EYS: variants seen among roughly 807,000 people sequenced by gnomAD.
The protein encoded by EYS is EGF-like photoreceptor maintenance factor.
A neutral mutation model predicts 282.1 loss-of-function variants in EYS; 250 were observed. That is an observed-to-expected ratio of 0.89 (90% CI 0.80 to 0.98). The LOEUF (loss-of-function observed/expected upper bound fraction) is 0.98. Among genes scored for constraint, EYS ranks in the 50% least tolerant of loss-of-function variants. The pLI is 0.00. For missense variants in EYS, 4,016 were observed against 3,709.0 expected (o/e 1.08, Z -2.15); for synonymous variants, 1,355 against 1,282.9 (o/e 1.06, Z -1.20).
chr6:65,170,219 C>T lies in EYS; in HGVS notation c.2024-112492G>A, dbSNP rs114125799. Among the ~76,000 whole-genome samples, 1,501 of 151,174 alleles carry T rather than the reference C, an allele frequency of 9.9e-3. 25 individuals carry two copies. Among genetic ancestry groups the T allele is most frequent in the African/African-American group, 0.034 (1,413 of 41,232 alleles). On this transcript the variant is annotated intron_variant, in intron 12 of 42. Coordinates refer to ENST00000503581, the MANE Select transcript of EYS (RefSeq NM_001142800.2). ...ATACAAATACAGATGCACACACGCG[C>T]GCGTGCACGCACACACACACACACA...
At chr6:64,685,860 A>G (rs1770078782) in intron 22 of EYS, among the ~76,000 whole-genome samples, 2 of 152,190 alleles carry the variant, frequency 1.3e-5, no homozygotes, top group Non-Finnish European at 2.9e-5. Flanking sequence ...TTTCAACTAC[A>G]TTTGAATCAT....
intron 33 of EYS, among the ~76,000 whole-genome samples, chr6:64,039,221 T>C (rs1176780779): frequency 6.6e-6 from 1 of 152,228 alleles, no homozygotes; most frequent in African/African-American, 2.4e-5. Context: ...TCTTAATAGA[T>C]CATTCATTCA....
rs536473501 is a variant in EYS at position 65,274,500 on chromosome 6, C to T, written c.2023+21363G>A. On this transcript the variant is annotated intron_variant, in intron 12 of 42. Transcript: ENST00000503581. ...CCCTAGTATACAGCTATTGATCTAG[C>T]AAACTGTTTTCTTCATTCTTATTCA... Among the ~76,000 whole-genome samples, 5 of 152,268 alleles carry T rather than the reference C, an allele frequency of 3.3e-5. No individual in the cohort carries two copies. In the East Asian group the frequency reaches 9.6e-4, roughly 29 times the overall value.
intron 26 of EYS, among the ~76,000 whole-genome samples, chr6:64,549,457 C>T (rs1453985892): frequency 1.3e-5 from 2 of 152,134 alleles, no homozygotes; most frequent in Admixed American, 6.6e-5. Context: ...CAACCACCTC[C>T]ACAGGAGGAA....
At chr6:64,924,705 A>G (rs1371653657) in intron 15 of EYS, among the ~76,000 whole-genome samples, 1 of 152,148 alleles carries the variant, frequency 6.6e-6, no homozygotes, top group Non-Finnish European at 1.5e-5. Context: ...AAGTTCCACA[A>G]ATCTCTAGGG....
At chr6:64,457,992 A>C (rs2150482677) in intron 26 of EYS, among the ~76,000 whole-genome samples, 1 of 152,122 alleles carries the variant, frequency 6.6e-6, no homozygotes, top group African/African-American at 2.4e-5. Flanking sequence ...ATTACATAAA[A>C]AAATTTTGTA....
At position 63,854,696 on chromosome 6, in the gene EYS, G is replaced by A. The variant is rs536224542; in HGVS notation, c.7228+9490C>T. On this transcript the variant is annotated intron_variant, in intron 36 of 42. Transcript: ENST00000503581. ...TAGTTGAAATTATATAATAAATTAT[G>A]TATATAATATATGCTAAATCCCAAG... Among the ~76,000 whole-genome samples the A allele has an allele frequency of 2.6e-5, 4 of 152,192 alleles. No individual in the cohort carries two copies. In the South Asian group the frequency reaches 8.3e-4, roughly 32 times the overall value.
At chr6:65,394,466 G>A (rs1234139621) in intron 7 of EYS, among the ~76,000 whole-genome samples, 4 of 152,034 alleles carry the variant, frequency 2.6e-5, no homozygotes, top group Non-Finnish European at 4.4e-5. Flanking sequence ...GCTGTGTCCT[G>A]TAGCGCCGTG....
chr6:65,208,216 G>A (rs943550058), intron 12 of EYS, among the ~76,000 whole-genome samples: 6 of 151,706 alleles, frequency 4.0e-5, no homozygotes, highest in East Asian at 1.9e-4. Flanking sequence ...TCAACATCAC[G>A]AATCATCAGA....
At chr6:65,617,970 G>C (rs866701970) in intron 2 of EYS, among the ~76,000 whole-genome samples, 29 of 152,140 alleles carry the variant, frequency 1.9e-4, no homozygotes, top group African/African-American at 6.5e-4. Flanking sequence ...CATTTGGGTT[G>C]GTTCCAAGTC....
intron 13 of EYS, among the ~76,000 whole-genome samples, chr6:65,008,449 C>T (rs1294668979): frequency 8.5e-5 from 12 of 141,836 alleles, no homozygotes; most frequent in South Asian, 2.2e-4. Context: ...GCAGGTGGAA[C>T]AGGACAAATG....
intron 29 of EYS, among the ~76,000 whole-genome samples, chr6:64,317,157 G>T (rs1770004685): frequency 6.6e-6 from 1 of 152,188 alleles, no homozygotes; most frequent in Non-Finnish European, 1.5e-5. Flanking sequence ...GCATGGCAAA[G>T]ACTTCATTAC....
At chr6:64,851,608 T>C (rs1463096628) in intron 19 of EYS, among the ~76,000 whole-genome samples, 1 of 152,150 alleles carries the variant, frequency 6.6e-6, no homozygotes, top group Non-Finnish European at 1.5e-5. Flanking sequence ...CATGGAATAC[T>C]ATGCAGCCAT....
intron 22 of EYS, among the ~76,000 whole-genome samples, chr6:64,681,714 C>T (rs1562130588): frequency 6.6e-6 from 1 of 152,048 alleles, no homozygotes; most frequent in Non-Finnish European, 1.5e-5. Context: ...CAGGAGAGAC[C>T]GACAAGGTTA....
chr6:64,944,629 C>T (rs977855742), intron 15 of EYS, among the ~76,000 whole-genome samples: 2 of 152,030 alleles, frequency 1.3e-5, no homozygotes, highest in African/African-American at 4.8e-5. Flanking sequence ...CGTCCCCCAG[C>T]CCAACACCCT....
At chr6:65,145,985 G>T (rs888763685) in intron 12 of EYS, among the ~76,000 whole-genome samples, 3 of 151,414 alleles carry the variant, frequency 2.0e-5, no homozygotes, top group African/African-American at 7.3e-5. Context: ...CTTTATATAT[G>T]TTTATATCCT....
At chr6:65,615,705 C>A (rs544285254) in intron 2 of EYS, among the ~76,000 whole-genome samples, 1 of 151,908 alleles carries the variant, frequency 6.6e-6, no homozygotes, top group South Asian at 2.1e-4. Context: ...GAGGCCAAGG[C>A]GGGCAGATCA....
chr6:65,141,637 GTCTGTCTGTCTGTCTATCTA>G (rs1764344947), intron 12 of EYS, among the ~76,000 whole-genome samples: 1 of 68,028 alleles, frequency 1.5e-5, no homozygotes, highest in African/African-American at 6.5e-5. Context: ...CAGTCTGTCT[GTCTGTCTGTCTGTCTATCTA>G]TCTATCTATC....
chr6:63,971,886 A>T (rs1021718373), intron 35 of EYS, among the ~76,000 whole-genome samples: 1 of 152,240 alleles, frequency 6.6e-6, no homozygotes. Flanking sequence ...CTTAAAGCAC[A>T]TGGTAAGTTA....
Sources: gnomAD v4.1 joint callset for allele counts (sites outside exome capture counted in the v4.1 genomes callset) on GRCh38, gnomAD v4.1.1 for gene constraint, MANE v1.5 for transcripts, NCBI Gene and HGNC (gene_info 2026-07-23, HGNC 2026-07-21) for gene names.